The following SLC35E1 variants were observed in gnomAD, a reference collection of about 807,000 sequenced individuals.
SLC35E1 encodes solute carrier family 35 member E1, also known as solute carrier family 35, member E1.
In SLC35E1, 12 loss-of-function variants were observed where a neutral mutation model predicts 31.0. The observed-to-expected ratio is 0.39, with a 90% CI of 0.25 to 0.63. The LOEUF (loss-of-function observed/expected upper bound fraction) is 0.63. Ranked by LOEUF, SLC35E1 falls within the 20% of genes least tolerant of loss-of-function variation. The probability of loss-of-function intolerance (pLI) is 0.52; values close to 1 mark genes in which losing one functional copy is unlikely to be tolerated. For synonymous variants in SLC35E1, 257 were observed against 264.1 expected, an observed-to-expected ratio of 0.97 and a Z score of 0.26; for missense variants, 429 against 572.2, an observed-to-expected ratio of 0.75 and a Z score of 2.55.
Position 16,572,062 on chromosome 19 carries a change from C to T in SLC35E1, c.303G>A (p.Pro101=). 6.5e-7 allele frequency: 1 copy of T among 1,538,766 alleles called. No individual in the cohort carries two copies. The highest frequency in any genetic ancestry group is 8.8e-7 in the Non-Finnish European group (1 of 1,142,390). The change falls in exon 1 of 6, where the codon CCG becomes CCA. Residue 101 remains proline, a synonymous_variant. Transcript: ENST00000595753. The surrounding 1 kb of genome is among the most constrained non-coding windows in gnomAD (Gnocchi z 4.1). The part of the protein sequence containing the change: ...PGPSPHPSSG[P]LLPPRFYPRY... Reference sequence around the variant, plus strand: ...GCGGGTAGAAGCGCGGCGGCAGCAGCGGGCCGGACGACGGATGCGGACTGG... The same window carrying T: ...GCGGGTAGAAGCGCGGCGGCAGCAGTGGGCCGGACGACGGATGCGGACTGG...
At chr19:16,557,414 C>T (rs367602074) in intron 4 of SLC35E1, among the ~76,000 whole-genome samples, 3 of 152,014 alleles carry the variant, frequency 2.0e-5, no homozygotes, top group Non-Finnish European at 2.9e-5. Context: ...AGGATGGTCT[C>T]GATCTCCTGA....
chr19:16,563,701 G>C (rs536909928), intron 4 of SLC35E1, among the ~76,000 whole-genome samples: 193 of 152,192 alleles, frequency 1.3e-3, no homozygotes, highest in Non-Finnish European at 2.1e-3. Context: ...GGCTGGTTTC[G>C]AACTCCTGGC....
intron 4 of SLC35E1, chr19:16,565,212 TTTC>T (rs889515601): frequency 1.5e-4 from 64 of 419,178 alleles, no homozygotes; most frequent in Admixed American, 3.4e-4. Flanking sequence ...GTTTTCTTTC[TTTC>T]TTTTTTTTTT....
At chr19:16,559,690 A>G (rs1487038056) in intron 4 of SLC35E1, among the ~76,000 whole-genome samples, 2 of 152,092 alleles carry the variant, frequency 1.3e-5, no homozygotes, top group African/African-American at 2.4e-5. Flanking sequence ...TCTTCACTCT[A>G]TCTTCTATCT....
chr19:16,554,949 G>A (rs1259805018), intron 5 of SLC35E1, among the ~76,000 whole-genome samples: 3 of 152,136 alleles, frequency 2.0e-5, no homozygotes, highest in African/African-American at 7.2e-5. Flanking sequence ...AGACACAGCC[G>A]GAATGATTTG....
rs2085872028 is a variant in SLC35E1, at chr19:16,555,623, C to T, written c.757-226G>A. The T allele has an allele frequency of 1.8e-6, 1 of 556,590 alleles. No homozygotes were observed. The highest frequency in any genetic ancestry group is 3.1e-6 in the Non-Finnish European group (1 of 320,476). The allele number at this position is 556,590 out of a possible 1,614,324, so 34.5% of individuals were successfully genotyped here. A position where few individuals can be genotyped will look rare whatever the true frequency, so the allele number is the denominator to read the frequency against. On this transcript the variant is annotated intron_variant, in intron 4 of 5. Coordinates refer to ENST00000595753, the MANE Select transcript of SLC35E1 (RefSeq NM_024881.5). This position sits in a 1 kb window ranked among gnomAD's most constrained non-coding sequence, Gnocchi z 4.1. ...CAGCATGGGAATCACCCGCCGTCTCCTGCCAAGGAAACAGGTGAAGCCAGG... is the reference window on the plus strand; with the variant it reads ...CAGCATGGGAATCACCCGCCGTCTCTTGCCAAGGAAACAGGTGAAGCCAGG...
At chr19:16,566,260 C>G in intron 4 of SLC35E1, 1 of 412,748 alleles carries the variant, frequency 2.4e-6, no homozygotes, top group South Asian at 3.3e-5. Flanking sequence ...GTGAAAGAGT[C>G]ACCTTCTCTT....
At chr19:16,567,456 A>G (rs2122346994) in intron 3 of SLC35E1, among the ~76,000 whole-genome samples, 1 of 152,362 alleles carries the variant, frequency 6.6e-6, no homozygotes, top group East Asian at 1.9e-4. Flanking sequence ...GCAGTAAGCT[A>G]TGATTGTGCC....
intron 4 of SLC35E1, among the ~76,000 whole-genome samples, chr19:16,562,842 C>T (rs1034819354): frequency 4.6e-5 from 7 of 152,056 alleles, no homozygotes; most frequent in African/African-American, 7.2e-5. Flanking sequence ...CCAAGTAGCT[C>T]GGACTACAGG....
chr19:16,569,566 C>A (rs968970762), intron 2 of SLC35E1, among the ~76,000 whole-genome samples: 1 of 152,214 alleles, frequency 6.6e-6, no homozygotes, highest in African/African-American at 2.4e-5. Context: ...TTCTGACTCT[C>A]GGCTCAATCC....
In SLC35E1 at chr19:16,555,035, G is replaced by A. The variant is rs1360240107; in HGVS notation, c.1002+117C>T. 7.0e-7 allele frequency: 1 copy of A among 1,428,812 alleles called. No homozygotes were observed. The highest frequency in any genetic ancestry group is 1.4e-5 in the African/African-American group (1 of 70,042). The allele number at this position is 1,428,812 out of a possible 1,614,324, so 88.5% of individuals were successfully genotyped here. ...CTACGCCAAGATCATAAACCAGTCA[G>A]TGGCAAAGCTCTGACATACAACCCC... On this transcript the variant is annotated intron_variant, in intron 5 of 5. Coordinates refer to ENST00000595753, the MANE Select transcript of SLC35E1 (RefSeq NM_024881.5). The surrounding 1 kb of genome is among the most constrained non-coding windows in gnomAD (Gnocchi z 4.1).
intron 4 of SLC35E1, among the ~76,000 whole-genome samples, chr19:16,559,856 G>A (rs1449042181): frequency 6.6e-6 from 1 of 152,052 alleles, no homozygotes; most frequent in Non-Finnish European, 1.5e-5. Flanking sequence ...CTGGGTCTTC[G>A]TAAACTACGT....
rs115315496 is a variant in SLC35E1, at chr19:16,554,627, C to G, written c.1002+525G>C. On this transcript the variant is annotated intron_variant, in intron 5 of 5. Transcript: ENST00000595753. ...ACTGAGGTCAGGAGTTGGAGGCTGGCCTGGCCAAGATGGTGAAACCCCATC... is the reference window on the plus strand; with the variant it reads ...ACTGAGGTCAGGAGTTGGAGGCTGGGCTGGCCAAGATGGTGAAACCCCATC... Among the ~76,000 whole-genome samples the G allele has an allele frequency of 4.8e-3, 727 of 152,126 alleles. 7 individuals carry two copies. Among genetic ancestry groups the G allele is most frequent in the African/African-American group, 0.017 (700 of 41,528 alleles).
chr19:16,569,182 G>A (rs752871265), intron 2 of SLC35E1, among the ~76,000 whole-genome samples: 1 of 152,076 alleles, frequency 6.6e-6, no homozygotes, highest in Non-Finnish European at 1.5e-5. Flanking sequence ...CTACCACCAC[G>A]CCCAACTAAT....
intron 4 of SLC35E1, chr19:16,565,054 A>T: frequency 2.2e-6 from 1 of 448,610 alleles, no homozygotes; most frequent in South Asian, 1.6e-5. Context: ...TTCTAACTCG[A>T]GTCTGGAAGA....
At chr19:16,569,562 C>G (rs2085947738) in intron 2 of SLC35E1, among the ~76,000 whole-genome samples, 1 of 152,188 alleles carries the variant, frequency 6.6e-6, no homozygotes, top group Non-Finnish European at 1.5e-5. Context: ...GCTCTTCTGA[C>G]TCTCGGCTCA....
Position 16,555,394 on chromosome 19 carries a change from A to G in SLC35E1, c.760T>C (p.Tyr254His). 6.2e-7 allele frequency: 1 copy of G among 1,613,458 alleles called. No homozygotes were observed. The highest frequency in any genetic ancestry group is 8.5e-7 in the Non-Finnish European group (1 of 1,179,974). ...SAFLVSSDLT[Y>H]VYQWPWTLLL... ...AGCGTCCAGGGCCACTGGTAGACGT[A>G]GGTCTGCAGAGACCGGAAGGTAAAG... Residue 254 changes from tyrosine (Y) to histidine (H), a missense_variant, in exon 5 of 6, where the codon TAC (tyrosine) becomes CAC (histidine). Coordinates refer to ENST00000595753, the MANE Select transcript of SLC35E1 (RefSeq NM_024881.5). This position sits in a 1 kb window ranked among gnomAD's most constrained non-coding sequence, Gnocchi z 4.1.
intron 2 of SLC35E1, among the ~76,000 whole-genome samples, chr19:16,571,077 A>G (rs1212923842): frequency 1.3e-5 from 2 of 151,410 alleles, no homozygotes; most frequent in Non-Finnish European, 2.9e-5. Context: ...CAGGCTGGGC[A>G]AGAGTAAAAC....
chr19:16,571,629 G>C (rs1599323827), intron 1 of SLC35E1, 47 bp from the exon 2 acceptor site: 1 of 1,597,946 alleles, frequency 6.3e-7, no homozygotes, highest in Non-Finnish European at 8.6e-7. Context: ...GAATTTCAGG[G>C]CCCAACCTGT....
Sources: allele counts gnomAD v4.1 joint callset (sites outside exome capture counted in the v4.1 genomes callset), GRCh38; gene constraint gnomAD v4.1.1; non-coding constraint Gnocchi (gnomAD v3.1); transcripts MANE v1.5; gene names NCBI Gene and HGNC (gene_info 2026-07-23, HGNC 2026-07-21).